RFTN1: variants seen among roughly 807,000 people sequenced by gnomAD.
RFTN1 encodes the protein raftlin.
RFTN1 carries 26 observed loss-of-function variants against 46.5 expected under a neutral mutation model. The ratio of observed to expected loss-of-function variants is 0.56; its 90% CI spans 0.41 to 0.78. The LOEUF (loss-of-function observed/expected upper bound fraction) is 0.78. RFTN1 is among the 30% of genes least tolerant of loss of function. The pLI is 0.00. For missense variants in RFTN1, 693 were observed against 718.7 expected, an observed-to-expected ratio of 0.96 and a Z score of 0.41; for synonymous variants, 261 against 284.2, an observed-to-expected ratio of 0.92 and a Z score of 0.82.
chr3:16,321,050 G>A lies in RFTN1; in HGVS notation c.1332+2326C>T, dbSNP rs572380214. 4.1e-4 allele frequency among the ~76,000 whole-genome samples: 62 copies of A among 152,226 alleles called. No homozygotes were observed. The highest frequency in any genetic ancestry group is 1.4e-3 in the African/African-American group (58 of 41,532). On this transcript the variant is annotated intron_variant, in intron 9 of 9. Coordinates refer to ENST00000334133, the MANE Select transcript of RFTN1 (RefSeq NM_015150.2). This position sits in a 1 kb window ranked among gnomAD's most constrained non-coding sequence, Gnocchi z 4.8. The stretch of plus-strand genomic sequence containing the variant: ...AGAGCCTCCGGGACCTAACACAGAT[G>A]GGTCTTAAGGATAGATTGAATATAG...
intron 7 of RFTN1, chr3:16,349,384 G>C (rs922811339): frequency 3.9e-5 from 6 of 152,216 alleles, no homozygotes; most frequent in African/African-American, 1.2e-4. Flanking sequence ...ACAGAAGGGG[G>C]TACCTGAGCC....
chr3:16,488,381 G>A (rs895053139), intron 2 of RFTN1, among the ~76,000 whole-genome samples: 15 of 152,184 alleles, frequency 9.9e-5, no homozygotes, highest in Admixed American at 2.0e-4. Flanking sequence ...TTACAGGCGT[G>A]AGCCACTGCA....
At chr3:16,388,535 A>C (rs1474005442) in intron 4 of RFTN1, among the ~76,000 whole-genome samples, 1 of 152,204 alleles carries the variant, frequency 6.6e-6, no homozygotes, top group Non-Finnish European at 1.5e-5. Context: ...TATCATCTTA[A>C]CAGTGAAGAA....
At chr3:16,441,884 C>A (rs2075632206) in intron 2 of RFTN1, among the ~76,000 whole-genome samples, 1 of 152,170 alleles carries the variant, frequency 6.6e-6, no homozygotes, top group African/African-American at 2.4e-5. Context: ...TCTGCCTGGG[C>A]TTTGCAGTAG....
At position 16,458,718 on chromosome 3, in the gene RFTN1, A is replaced by G. The variant is rs1445295539; in HGVS notation, c.146-24681T>C. On this transcript the variant is annotated intron_variant, in intron 2 of 9. Coordinates refer to ENST00000334133, the MANE Select transcript of RFTN1 (RefSeq NM_015150.2). This position sits in a 1 kb window ranked among gnomAD's most constrained non-coding sequence, Gnocchi z 5.1. ...GATCCACAAAACAGCAAGAAGCCAAATAATTCTCAAAACCATAATGCTTTC... is the reference window on the plus strand; with the variant it reads ...GATCCACAAAACAGCAAGAAGCCAAGTAATTCTCAAAACCATAATGCTTTC... Among the ~76,000 whole-genome samples the G allele has an allele frequency of 6.6e-6, 1 of 152,220 alleles. No individual in the cohort carries two copies. The highest frequency in any genetic ancestry group is 1.5e-5 in the Non-Finnish European group (1 of 68,034).
intron 4 of RFTN1, among the ~76,000 whole-genome samples, chr3:16,398,715 C>T (rs2074533378): frequency 6.6e-6 from 1 of 152,102 alleles, no homozygotes; most frequent in Admixed American, 6.5e-5. Context: ...GCCTTGATAC[C>T]ATCAACCTCC....
At chr3:16,431,113 C>A (rs1190172713) in intron 3 of RFTN1, among the ~76,000 whole-genome samples, 1 of 152,174 alleles carries the variant, frequency 6.6e-6, no homozygotes, top group African/African-American at 2.4e-5. Context: ...AATACGGAGG[C>A]CGAGAAAGAT....
chr3:16,430,352 A>T (rs570940442), intron 3 of RFTN1, among the ~76,000 whole-genome samples: 1 of 152,240 alleles, frequency 6.6e-6, no homozygotes, highest in Admixed American at 6.5e-5. Context: ...GCTCAAGAGA[A>T]TCTTCTGCCT....
intron 3 of RFTN1, among the ~76,000 whole-genome samples, chr3:16,409,889 G>A (rs1049623272): frequency 4.6e-5 from 7 of 151,948 alleles, no homozygotes; most frequent in Non-Finnish European, 7.4e-5. Flanking sequence ...GTTTCACCAT[G>A]TTGGACAGGC....
chr3:16,403,753 TATAAAA>T (rs1316940720), intron 4 of RFTN1, among the ~76,000 whole-genome samples: 4 of 30,520 alleles, frequency 1.3e-4, no homozygotes, highest in Non-Finnish European at 1.9e-4. Flanking sequence ...ATATATTATA[TATAAAA>T]TATATAATAT....
intron 1 of RFTN1, among the ~76,000 whole-genome samples, chr3:16,495,199 T>C (rs1042746905): frequency 4.6e-5 from 7 of 152,208 alleles, no homozygotes; most frequent in African/African-American, 1.4e-4. Flanking sequence ...ATGAACTGAT[T>C]ACTTGTAAAA....
chr3:16,417,729 G>T (rs2075110765), intron 3 of RFTN1, among the ~76,000 whole-genome samples: 1 of 152,204 alleles, frequency 6.6e-6, no homozygotes, highest in Non-Finnish European at 1.5e-5. Flanking sequence ...ACGAGTGAAA[G>T]ATTCTTTCTG....
At chr3:16,366,133 C>T (rs796525300) in intron 6 of RFTN1, among the ~76,000 whole-genome samples, 3 of 138,292 alleles carry the variant, frequency 2.2e-5, no homozygotes, top group Non-Finnish European at 4.6e-5. Context: ...AGGACAGAAC[C>T]AGAGGAATGC....
Position 16,345,620 on chromosome 3 carries a change from C to T in RFTN1, c.1146+12312G>A, listed in dbSNP as rs942009045. Among the ~76,000 whole-genome samples the T allele has an allele frequency of 2.0e-5, 3 of 152,074 alleles. No homozygotes were observed. Among genetic ancestry groups the T allele is most frequent in the East Asian group, 1.9e-4 (1 of 5,182 alleles). ...ACGTCCATCTTCTGCCCTTGTTGCTCCTGGTTCTCAGGGCTTGGGACCTGG... is the reference window on the plus strand; with the variant it reads ...ACGTCCATCTTCTGCCCTTGTTGCTTCTGGTTCTCAGGGCTTGGGACCTGG... On this transcript the variant is annotated intron_variant, in intron 7 of 9. Coordinates refer to ENST00000334133, the MANE Select transcript of RFTN1 (RefSeq NM_015150.2). The surrounding 1 kb of genome is among the most constrained non-coding windows in gnomAD (Gnocchi z 5.2).
At chr3:16,467,112 G>A (rs1255535516) in intron 2 of RFTN1, among the ~76,000 whole-genome samples, 2 of 152,188 alleles carry the variant, frequency 1.3e-5, no homozygotes, top group Non-Finnish European at 2.9e-5. Flanking sequence ...AGGGTTTTGG[G>A]TAGAAGGAAA....
At position 16,513,425 on chromosome 3, in the gene RFTN1, C is replaced by CA. The variant is rs1278509764; in HGVS notation, c.-9+16_-9+17insT. 2 of 149,820 alleles carry CA rather than the reference C, an allele frequency of 1.3e-5. No homozygotes were observed. Among genetic ancestry groups the CA allele is most frequent in the African/African-American group, 5.0e-5 (2 of 39,808 alleles). 9.3% of individuals were successfully genotyped at this position (149,820 alleles called of 1,614,324 possible). A position where few individuals can be genotyped will look rare whatever the true frequency, so the allele number is the denominator to read the frequency against. On this transcript the variant is annotated intron_variant, in intron 1 of 9. Transcript: ENST00000334133. This position sits in a 1 kb window ranked among gnomAD's most constrained non-coding sequence, Gnocchi z 5.4. ...GGTCGACACCCCAAGCCCTGTCGCG[C>CA]CCCCCCCGCCGCCTACCGTATGGGA...
rs1209371114 is a variant in RFTN1 at position 16,426,022 on chromosome 3, C to A, written c.332+7829G>T. Among the ~76,000 whole-genome samples the A allele has an allele frequency of 6.6e-6, 1 of 152,200 alleles. No individual in the cohort carries two copies. Among genetic ancestry groups the A allele is most frequent in the African/African-American group, 2.4e-5 (1 of 41,456 alleles). ...AATAACGACCCACATGCTAAACAAA[C>A]ACCTTCTCATTCCCCGCTCTGCCTT... On this transcript the variant is annotated intron_variant, in intron 3 of 9. Transcript: ENST00000334133. The surrounding 1 kb of genome is among the most constrained non-coding windows in gnomAD (Gnocchi z 5.9).
chr3:16,463,738 TTTTTGATTG>T (rs1293444846), intron 2 of RFTN1, among the ~76,000 whole-genome samples: 27 of 152,240 alleles, frequency 1.8e-4, no homozygotes, highest in Non-Finnish European at 3.5e-4. Context: ...CACCTAATAA[TTTTTGATTG>T]AATACCAGAC....
chr3:16,467,545 C>T (rs1443518955), intron 2 of RFTN1, among the ~76,000 whole-genome samples: 3 of 152,140 alleles, frequency 2.0e-5, no homozygotes, highest in East Asian at 3.9e-4. Context: ...ATGCTGACCC[C>T]GGAAGGAGCC....
Sources: gnomAD v4.1 joint callset for allele counts (sites outside exome capture counted in the v4.1 genomes callset) on GRCh38, gnomAD v4.1.1 for gene constraint, Gnocchi (gnomAD v3.1) non-coding constraint, MANE v1.5 for transcripts, NCBI Gene and HGNC (gene_info 2026-07-23, HGNC 2026-07-21) for gene names.